The following TMEFF2 variants were observed in gnomAD, a reference collection of about 807,000 sequenced individuals.
TMEFF2 encodes transmembrane protein with EGF like and two follistatin like domains 2, also known as tomoregulin-2.
Under a neutral mutation model 53.8 loss-of-function variants are expected in TMEFF2, and 28 were observed. The observed-to-expected ratio is 0.52, with a 90% CI of 0.39 to 0.71. The LOEUF is 0.71. Ranked by LOEUF, TMEFF2 falls within the 30% of genes least tolerant of loss-of-function variation. The pLI, the probability that TMEFF2 is intolerant of heterozygous loss-of-function variation, is 0.00. For synonymous variants in TMEFF2, 162 were observed against 166.3 expected (o/e 0.97, Z 0.20); for missense variants, 353 against 455.2 (o/e 0.78, Z 2.04).
chr2:192,074,811 C>T (rs1377790260), intron 4 of TMEFF2, among the ~76,000 whole-genome samples: 1 of 151,822 alleles, frequency 6.6e-6, no homozygotes, highest in Non-Finnish European at 1.5e-5. Context: ...TCAATCTTCC[C>T]AATTCAGGGC....
intron 4 of TMEFF2, among the ~76,000 whole-genome samples, chr2:192,165,997 C>T (rs368138519): frequency 5.7e-4 from 87 of 152,222 alleles, no homozygotes; most frequent in African/African-American, 2.0e-3. Flanking sequence ...GCCCAGTCCT[C>T]GGGTGTTCAC....
chr2:192,022,731 T>A (rs1241929299), intron 5 of TMEFF2, among the ~76,000 whole-genome samples: 3 of 152,198 alleles, frequency 2.0e-5, no homozygotes, highest in African/African-American at 7.2e-5. Flanking sequence ...GCACTGAGTT[T>A]TTGTTTTTTG....
chr2:192,087,781 C>T (rs952107166), intron 4 of TMEFF2, among the ~76,000 whole-genome samples: 1 of 152,142 alleles, frequency 6.6e-6, no homozygotes, highest in Admixed American at 6.6e-5. Context: ...ACTTGACTGA[C>T]TCAGATCCCT....
intron 4 of TMEFF2, among the ~76,000 whole-genome samples, chr2:192,113,589 T>A (rs921849801): frequency 3.9e-5 from 6 of 152,194 alleles, no homozygotes; most frequent in Non-Finnish European, 8.8e-5. Context: ...AAATCAATTC[T>A]AATAAGCTGT....
intron 7 of TMEFF2, among the ~76,000 whole-genome samples, chr2:191,970,727 A>G (rs1427697517): frequency 6.6e-6 from 1 of 152,108 alleles, no homozygotes; most frequent in Non-Finnish European, 1.5e-5. Flanking sequence ...GTTGGTAACC[A>G]TTTACCAATC....
At chr2:192,157,634 A>G (rs960941660) in intron 4 of TMEFF2, among the ~76,000 whole-genome samples, 5 of 152,006 alleles carry the variant, frequency 3.3e-5, no homozygotes, top group Non-Finnish European at 7.4e-5. Flanking sequence ...GACACCACGT[A>G]TGGCACTTCT....
At chr2:192,004,915 G>C (rs1686463281) in intron 5 of TMEFF2, among the ~76,000 whole-genome samples, 1 of 152,144 alleles carries the variant, frequency 6.6e-6, no homozygotes, top group African/African-American at 2.4e-5. Context: ...CTGCACGAAT[G>C]CCTTTAAGGT....
chr2:192,103,015 G>T (rs1489866027), intron 4 of TMEFF2, among the ~76,000 whole-genome samples: 2 of 151,778 alleles, frequency 1.3e-5, no homozygotes, highest in Non-Finnish European at 2.9e-5. Flanking sequence ...AAAAACTTTG[G>T]GTCACTCTGG....
At chr2:192,166,251 C>G (rs977625008) in intron 4 of TMEFF2, among the ~76,000 whole-genome samples, 2 of 152,146 alleles carry the variant, frequency 1.3e-5, no homozygotes, top group Non-Finnish European at 2.9e-5. Context: ...TCTACCTCCC[C>G]TCAGGTATGG....
At chr2:192,091,160 A>G (rs1688780754) in intron 4 of TMEFF2, among the ~76,000 whole-genome samples, 1 of 152,094 alleles carries the variant, frequency 6.6e-6, no homozygotes, top group Non-Finnish European at 1.5e-5. Flanking sequence ...GATTCTCTCC[A>G]GGCAACTTAT....
chr2:192,044,926 G>GC (rs1386087201), intron 5 of TMEFF2, among the ~76,000 whole-genome samples: 1 of 152,190 alleles, frequency 6.6e-6, no homozygotes, highest in African/African-American at 2.4e-5. Context: ...GGCATGCACA[G>GC]CAGCACTCCA....
At chr2:191,999,908 T>C (rs1352533343) in intron 5 of TMEFF2, among the ~76,000 whole-genome samples, 1 of 152,030 alleles carries the variant, frequency 6.6e-6, no homozygotes, top group African/African-American at 2.4e-5. Flanking sequence ...TTCCGAGATA[T>C]ACACTACTAT....
intron 5 of TMEFF2, among the ~76,000 whole-genome samples, chr2:192,023,496 C>A (rs1323985901): frequency 6.6e-6 from 1 of 152,126 alleles, no homozygotes; most frequent in Non-Finnish European, 1.5e-5. Flanking sequence ...CAACATCAAT[C>A]TATAAAGGAA....
In TMEFF2 at chr2:192,115,700, C is replaced by T. The variant is rs193299623; in HGVS notation, c.440-57925G>A. 6.8e-4 allele frequency among the ~76,000 whole-genome samples: 103 copies of T among 151,990 alleles called. 1 individual carries two copies. Among genetic ancestry groups the T allele is most frequent in the African/African-American group, 2.4e-3 (98 of 41,516 alleles). On this transcript the variant is annotated intron_variant, in intron 4 of 9. Transcript: ENST00000272771. ...ATATGGGCAAAGGCCATCATTTATTCGAAAGCTTACATCTAAATGGTCAAC... is the reference window on the plus strand; with the variant it reads ...ATATGGGCAAAGGCCATCATTTATTTGAAAGCTTACATCTAAATGGTCAAC...
intron 4 of TMEFF2, among the ~76,000 whole-genome samples, chr2:192,152,789 C>T (rs530706607): frequency 6.6e-6 from 1 of 151,922 alleles, no homozygotes; most frequent in East Asian, 1.9e-4. Context: ...TTGGAATAAC[C>T]TACAGGCCAC....
intron 5 of TMEFF2, among the ~76,000 whole-genome samples, chr2:192,007,148 G>C (rs1686517849): frequency 6.6e-6 from 1 of 151,978 alleles, no homozygotes; most frequent in African/African-American, 2.4e-5. Context: ...TAATATTCTT[G>C]TTTAATGTAC....
intron 4 of TMEFF2, among the ~76,000 whole-genome samples, chr2:192,175,739 T>C (rs1427671174): frequency 6.6e-6 from 1 of 151,496 alleles, no homozygotes; most frequent in African/African-American, 2.4e-5. Flanking sequence ...ATCATACAAC[T>C]TCCCATAAGA....
intron 5 of TMEFF2, among the ~76,000 whole-genome samples, chr2:192,037,508 C>T (rs1169239923): frequency 6.6e-6 from 1 of 151,710 alleles, no homozygotes; most frequent in Non-Finnish European, 1.5e-5. Context: ...CCCTTGGCCC[C>T]TGCAGGACCT....
chr2:192,075,310 T>TATATATCTATATAAATATAA (rs1688397499), intron 4 of TMEFF2, among the ~76,000 whole-genome samples: 1 of 74,914 alleles, frequency 1.3e-5, no homozygotes, highest in Non-Finnish European at 2.7e-5. Flanking sequence ...TATATATATA[T>TATATATCTATATAAATATAA]ATATATATAT....
Sources: allele counts gnomAD v4.1 joint callset (sites outside exome capture counted in the v4.1 genomes callset), GRCh38; gene constraint gnomAD v4.1.1; transcripts MANE v1.5; gene names NCBI Gene and HGNC (gene_info 2026-07-23, HGNC 2026-07-21).